The following AGAP1 variants were observed in gnomAD, a reference collection of about 807,000 sequenced individuals.
The protein encoded by AGAP1 is arf-GAP with GTPase, ANK repeat and PH domain-containing protein 1.
AGAP1 carries 29 observed loss-of-function variants against 105.3 expected under a neutral mutation model. That is an observed-to-expected ratio of 0.28 (90% CI 0.21 to 0.38). AGAP1 has a LOEUF of 0.38. AGAP1 is among the 10% of genes least tolerant of loss of function. AGAP1 has a pLI of 1.00. For synonymous variants in AGAP1, 509 were observed against 485.9 expected (o/e 1.05, Z -0.63); for missense variants, 998 against 1,165.1 (o/e 0.86, Z 2.09).
chr2:235,528,419 A>G (rs1057089671), intron 1 of AGAP1, among the ~76,000 whole-genome samples: 1 of 134,914 alleles, frequency 7.4e-6, no homozygotes, highest in Non-Finnish European at 1.5e-5. Flanking sequence ...TTATAAGGAT[A>G]TTGATTATGG....
rs879756633 is a variant in AGAP1, at chr2:235,699,076, C to A, written c.164-10103C>A. On this transcript the variant is annotated intron_variant, in intron 1 of 17. Coordinates refer to ENST00000304032, the MANE Select transcript of AGAP1 (RefSeq NM_001037131.3). ...CACCACGGGCATCAGACATCCCCCC[C>A]CCCCACCCCACCTAGGCTCGCACAG... is the stretch of plus-strand genomic sequence containing the variant. 2.7e-3 allele frequency among the ~76,000 whole-genome samples: 410 copies of A among 151,442 alleles called. 1 individual carries two copies. The highest frequency in any genetic ancestry group is 4.0e-3 in the Non-Finnish European group (272 of 67,608).
chr2:235,996,447 TTATTC>T (rs762193178), intron 13 of AGAP1, among the ~76,000 whole-genome samples: 10 of 152,262 alleles, frequency 6.6e-5, no homozygotes, highest in Non-Finnish European at 1.0e-4. Flanking sequence ...CAGGTGAGCA[TTATTC>T]TATTACCACC....
chr2:235,541,812 A>G (rs1378948731), intron 1 of AGAP1, among the ~76,000 whole-genome samples: 2 of 152,152 alleles, frequency 1.3e-5, no homozygotes, highest in Non-Finnish European at 2.9e-5. Flanking sequence ...CTTTATATAG[A>G]TGTAATTTAC....
chr2:235,629,178 C>T (rs1271281587), intron 1 of AGAP1, among the ~76,000 whole-genome samples: 1 of 151,900 alleles, frequency 6.6e-6, no homozygotes, highest in East Asian at 1.9e-4. Flanking sequence ...GTTTTCCATT[C>T]CTGAGTTACT....
At chr2:235,809,820 C>G (rs1205745267) in intron 9 of AGAP1, among the ~76,000 whole-genome samples, 2 of 152,114 alleles carry the variant, frequency 1.3e-5, no homozygotes, top group African/African-American at 2.4e-5. Context: ...GCCTGATGGC[C>G]ATATTCTAGA....
intron 14 of AGAP1, chr2:236,037,412 C>A (rs536998730): frequency 1.3e-5 from 2 of 150,456 alleles, no homozygotes; most frequent in African/African-American, 4.9e-5. Context: ...ATTTTTTTTT[C>A]CTTTGGAGAG....
intron 14 of AGAP1, among the ~76,000 whole-genome samples, chr2:236,039,019 A>G (rs1049536154): frequency 5.3e-5 from 8 of 152,226 alleles, no homozygotes; most frequent in Non-Finnish European, 1.2e-4. Context: ...TTTCACATCA[A>G]TTTGATGAGA....
At chr2:235,624,141 C>T (rs947187352) in intron 1 of AGAP1, among the ~76,000 whole-genome samples, 4 of 152,178 alleles carry the variant, frequency 2.6e-5, no homozygotes, top group Non-Finnish European at 5.9e-5. Flanking sequence ...TTATCTTAAC[C>T]GTTGAATGTA....
intron 1 of AGAP1, among the ~76,000 whole-genome samples, chr2:235,604,090 TAATATA>T (rs1945834063): frequency 6.6e-6 from 1 of 152,030 alleles, no homozygotes; most frequent in South Asian, 2.1e-4. Flanking sequence ...TTTTTCCTTT[TAATATA>T]AATATATCAG....
chr2:235,800,689 T>G (rs1171802516), intron 8 of AGAP1, among the ~76,000 whole-genome samples: 4 of 152,202 alleles, frequency 2.6e-5, no homozygotes, highest in Non-Finnish European at 5.9e-5. Flanking sequence ...CCAAGGACAT[T>G]TGGCAACTTC....
intron 1 of AGAP1, among the ~76,000 whole-genome samples, chr2:235,561,683 A>T (rs183348476): frequency 6.6e-6 from 1 of 152,330 alleles, no homozygotes; most frequent in East Asian, 1.9e-4. Flanking sequence ...AGTATTTGGA[A>T]AAAGTATCTG....
At chr2:235,863,649 C>T (rs541333314) in intron 9 of AGAP1, among the ~76,000 whole-genome samples, 39 of 152,270 alleles carry the variant, frequency 2.6e-4, no homozygotes, top group African/African-American at 7.9e-4. Flanking sequence ...CCGAGGTCAT[C>T]GAAGGCCCCG....
At chr2:235,825,609 A>G (rs559000112) in intron 9 of AGAP1, among the ~76,000 whole-genome samples, 1 of 152,372 alleles carries the variant, frequency 6.6e-6, no homozygotes, top group African/African-American at 2.4e-5. Flanking sequence ...TGAAGCAGAA[A>G]AATGTATCCA....
intron 16 of AGAP1, among the ~76,000 whole-genome samples, chr2:236,102,164 T>G (rs528614174): frequency 2.0e-5 from 3 of 152,282 alleles, no homozygotes; most frequent in East Asian, 3.9e-4. Flanking sequence ...ACGCCTGTAA[T>G]CCCAGCACTT....
chr2:235,852,708 C>G (rs1193325654), intron 9 of AGAP1: 1 of 1,519,320 alleles, frequency 6.6e-7, no homozygotes, highest in Admixed American at 2.2e-5. Flanking sequence ...TTTGTCCTTG[C>G]ACTGACAGCC....
In AGAP1 at chr2:235,631,727, A is replaced by T. The variant is rs1333954022; in HGVS notation, c.164-77452A>T. 1.3e-5 allele frequency among the ~76,000 whole-genome samples: 2 copies of T among 152,192 alleles called. No individual in the cohort carries two copies. The highest frequency in any genetic ancestry group is 4.8e-5 in the African/African-American group (2 of 41,444). Reference sequence around the variant, plus strand: ...CTTCACATGGTCAGAAAATTCTGTGAGGTGACACACGGAGCCTTGGAGCTG... The same window carrying T: ...CTTCACATGGTCAGAAAATTCTGTGTGGTGACACACGGAGCCTTGGAGCTG... On this transcript the variant is annotated intron_variant, in intron 1 of 17. Transcript: ENST00000304032. This position sits in a 1 kb window ranked among gnomAD's most constrained non-coding sequence, Gnocchi z 5.4.
Position 236,104,451 on chromosome 2 carries a change from C to T in AGAP1, c.2115-15741C>T, listed in dbSNP as rs528020091. Among the ~76,000 whole-genome samples, 1 of 152,378 alleles carries T rather than the reference C, an allele frequency of 6.6e-6. No individual in the cohort carries two copies. The highest frequency in any genetic ancestry group is 1.9e-4 in the East Asian group (1 of 5,184). ...GGTGGATCCTGCCCCTCGACCAGCA[C>T]CTGTGCTGTCTGCCCCTCACAAAAT... On this transcript the variant is annotated intron_variant, in intron 16 of 17. Transcript: ENST00000304032. The surrounding 1 kb of genome is among the most constrained non-coding windows in gnomAD (Gnocchi z 4.7).
rs1945536689 is a variant in AGAP1, at chr2:235,596,705, A to G, written c.163+101856A>G. Among the ~76,000 whole-genome samples, 2 of 152,364 alleles carry G rather than the reference A, an allele frequency of 1.3e-5. No individual in the cohort carries two copies. Among genetic ancestry groups the G allele is most frequent in the South Asian group, 2.1e-4 (1 of 4,828 alleles). Reference sequence around the variant, plus strand: ...GATAGAAGAGAAACCTCGGAGGTCAATCAGCTTTCACTCTTCCTCTCTTGT... The same window carrying G: ...GATAGAAGAGAAACCTCGGAGGTCAGTCAGCTTTCACTCTTCCTCTCTTGT... On this transcript the variant is annotated intron_variant, in intron 1 of 17. Transcript: ENST00000304032. This position sits in a 1 kb window ranked among gnomAD's most constrained non-coding sequence, Gnocchi z 5.9.
In AGAP1 at chr2:235,889,562, T is replaced by TA. The variant is rs57068056; in HGVS notation, c.1155+6114dup. The stretch of plus-strand genomic sequence containing the variant: ...TGTCTTTGCCTTTTTTTTTTTTTTT[T>TA]AGCCCTGAGCCCCAAGCTCAGTCCT... On this transcript the variant is annotated intron_variant, in intron 10 of 17. Coordinates refer to ENST00000304032, the MANE Select transcript of AGAP1 (RefSeq NM_001037131.3). This position sits in a 1 kb window ranked among gnomAD's most constrained non-coding sequence, Gnocchi z 4.6. 2.0e-5 allele frequency among the ~76,000 whole-genome samples: 3 copies of TA among 149,812 alleles called. No individual in the cohort carries two copies. The highest frequency in any genetic ancestry group is 3.0e-5 in the Non-Finnish European group (2 of 67,748).
Sources: allele counts gnomAD v4.1 joint callset (sites outside exome capture counted in the v4.1 genomes callset), GRCh38; gene constraint gnomAD v4.1.1; non-coding constraint Gnocchi (gnomAD v3.1); transcripts MANE v1.5; gene names NCBI Gene and HGNC (gene_info 2026-07-23, HGNC 2026-07-21).